Variants in INO80D observed in about 807,000 individuals in gnomAD.
The protein encoded by INO80D is INO80 complex subunit D.
INO80D carries 21 observed loss-of-function variants against 87.6 expected under a neutral mutation model. That is an observed-to-expected ratio of 0.24 (90% CI 0.17 to 0.35). The LOEUF (loss-of-function observed/expected upper bound fraction) is 0.35. Among genes scored for constraint, INO80D ranks in the 10% least tolerant of loss-of-function variants. INO80D has a pLI of 1.00. For missense variants in INO80D, 982 were observed against 1,280.7 expected, an observed-to-expected ratio of 0.77 and a Z score of 3.56; for synonymous variants, 440 against 491.0, an observed-to-expected ratio of 0.90 and a Z score of 1.37.
intron 1 of INO80D, among the ~76,000 whole-genome samples, chr2:206,081,855 C>T (rs903093293): frequency 2.6e-5 from 4 of 151,900 alleles, no homozygotes; most frequent in Non-Finnish European, 4.4e-5. Context: ...AAACACATGG[C>T]TATCTCATCT....
chr2:206,069,167 A>C (rs182069263), intron 1 of INO80D, among the ~76,000 whole-genome samples: 1 of 152,124 alleles, frequency 6.6e-6, no homozygotes, highest in East Asian at 1.9e-4. Flanking sequence ...GTGTAGCTCT[A>C]CTTATACATG....
chr2:206,015,579 A>G (rs1688296072), intron 8 of INO80D, among the ~76,000 whole-genome samples: 1 of 152,204 alleles, frequency 6.6e-6, no homozygotes, highest in African/African-American at 2.4e-5. Flanking sequence ...CGCCTAGAAT[A>G]CAGAAGATGT....
intron 1 of INO80D, among the ~76,000 whole-genome samples, chr2:206,080,448 C>T (rs1213556470): frequency 1.3e-5 from 2 of 152,274 alleles, no homozygotes; most frequent in Non-Finnish European, 2.9e-5. Context: ...AGAGACTATG[C>T]TAACATGAAG....
At chr2:206,035,509 A>ATG (rs1334563657) in intron 5 of INO80D, among the ~76,000 whole-genome samples, 1 of 152,188 alleles carries the variant, frequency 6.6e-6, no homozygotes, top group Non-Finnish European at 1.5e-5. Flanking sequence ...CTTTCAACAA[A>ATG]TGGTGCTGGG....
chr2:206,008,327 C>G (rs1203754672), intron 9 of INO80D, among the ~76,000 whole-genome samples: 3 of 126,846 alleles, frequency 2.4e-5, no homozygotes, highest in African/African-American at 9.0e-5. Context: ...GTCGCCCAGG[C>G]TAGAGTGCAG....
intron 1 of INO80D, among the ~76,000 whole-genome samples, chr2:206,082,812 A>G (rs1208423242): frequency 1.3e-5 from 2 of 152,170 alleles, no homozygotes; most frequent in African/African-American, 4.8e-5. Context: ...ATAGTTTAGC[A>G]TTTTTTTGAA....
intron 5 of INO80D, among the ~76,000 whole-genome samples, chr2:206,037,839 T>C (rs755584286): frequency 6.6e-6 from 1 of 152,140 alleles, no homozygotes; most frequent in Non-Finnish European, 1.5e-5. Flanking sequence ...TGTCCATCAG[T>C]GGACAAATGG....
chr2:206,051,215 A>ATTTCT (rs201344882), intron 4 of INO80D, among the ~76,000 whole-genome samples: 86 of 152,138 alleles, frequency 5.7e-4, no homozygotes, highest in Non-Finnish European at 8.5e-4. Flanking sequence ...TACAATGGAT[A>ATTTCT]TTTCTTTTCT....
At position 206,056,352 on chromosome 2, in the gene INO80D, A is replaced by G. The variant is rs1299631442; in HGVS notation, c.810T>C (p.Ser270=). Reference sequence around the variant, plus strand: ...TGGGTGGGTCCACAGTGGGAGCCCTACTGGATGGCAGGAGGGGCAGAGGCC... The same window carrying G: ...TGGGTGGGTCCACAGTGGGAGCCCTGCTGGATGGCAGGAGGGGCAGAGGCC... ...HKRPLPLLPS[S]RAPTVDPPRT... The change falls in exon 4 of 11, where the codon AGT becomes AGC. Residue 270 remains serine, a synonymous_variant. Transcript: ENST00000403263. The G allele has an allele frequency of 6.2e-7, 1 of 1,613,916 alleles. No homozygotes were observed. Among genetic ancestry groups the G allele is most frequent in the African/African-American group, 1.3e-5 (1 of 75,028 alleles).
At chr2:206,015,426 A>G (rs1375792034) in intron 8 of INO80D, among the ~76,000 whole-genome samples, 1 of 152,152 alleles carries the variant, frequency 6.6e-6, no homozygotes, top group Non-Finnish European at 1.5e-5. Context: ...CCTGCATTCC[A>G]ACCACTCCAG....
intron 8 of INO80D, among the ~76,000 whole-genome samples, chr2:206,015,075 T>G (rs545759176): frequency 1.3e-5 from 2 of 152,334 alleles, no homozygotes; most frequent in Non-Finnish European, 2.9e-5. Flanking sequence ...AAGAAATTTC[T>G]AAGCAGCAAA....
At chr2:206,018,462 T>A (rs535181404) in intron 7 of INO80D, among the ~76,000 whole-genome samples, 1 of 152,270 alleles carries the variant, frequency 6.6e-6, no homozygotes, top group Middle Eastern at 3.4e-3. Flanking sequence ...TTTCTTTTTT[T>A]AAACAGCTCT....
intron 1 of INO80D, among the ~76,000 whole-genome samples, chr2:206,077,350 A>C (rs979497463): frequency 1.3e-5 from 2 of 152,138 alleles, no homozygotes; most frequent in African/African-American, 2.4e-5. Flanking sequence ...AAAAAAAAAA[A>C]AACAAACTAC....
intron 1 of INO80D, among the ~76,000 whole-genome samples, chr2:206,080,635 C>T (rs1233057819): frequency 6.6e-5 from 10 of 151,996 alleles, no homozygotes; most frequent in Admixed American, 1.3e-4. Flanking sequence ...TGGCCGGGCG[C>T]GGTGGCTCAC....
chr2:206,082,617 C>T (rs1206677452), intron 1 of INO80D, among the ~76,000 whole-genome samples: 1 of 152,160 alleles, frequency 6.6e-6, no homozygotes, highest in African/African-American at 2.4e-5. Flanking sequence ...GCCTCCAACC[C>T]AGTCTCACCT....
intron 10 of INO80D, among the ~76,000 whole-genome samples, chr2:206,006,164 T>C (rs1559428727): frequency 6.6e-6 from 1 of 152,234 alleles, no homozygotes. Flanking sequence ...TGGACCTACT[T>C]TGATTTCATT....
At position 205,995,525 on chromosome 2, in the gene INO80D, T is replaced by A. The variant is rs921203076; in HGVS notation, c.*8843A>T. On this transcript the variant is annotated 3_prime_UTR_variant, in exon 11 of 11. Coordinates refer to ENST00000403263, the MANE Select transcript of INO80D (RefSeq NM_017759.5). ...GCCATTTAAAACTCATACATATACA[T>A]GTGTATATACAGTTATATCAACACT... The A allele has an allele frequency of 1.3e-5, 2 of 152,208 alleles. No individual in the cohort carries two copies. The highest frequency in any genetic ancestry group is 2.9e-5 in the Non-Finnish European group (2 of 68,018). 9.4% of individuals were successfully genotyped at this position (152,208 alleles called of 1,614,324 possible). A position where few individuals can be genotyped will look rare whatever the true frequency, so the allele number is the denominator to read the frequency against.
chr2:206,025,540 A>ATATATAT (rs1553616172), intron 6 of INO80D: 36 of 63,264 alleles, frequency 5.7e-4, no homozygotes, highest in South Asian at 1.0e-3. Flanking sequence ...AAAAAAAAAA[A>ATATATAT]AAATATATAT....
chr2:206,038,058 G>T (rs1301432892), intron 5 of INO80D, among the ~76,000 whole-genome samples: 1 of 152,174 alleles, frequency 6.6e-6, no homozygotes, highest in Non-Finnish European at 1.5e-5. Flanking sequence ...AGAATGGAGT[G>T]ATAGACGATG....
Sources: allele counts gnomAD v4.1 joint callset (sites outside exome capture counted in the v4.1 genomes callset), GRCh38; gene constraint gnomAD v4.1.1; transcripts MANE v1.5; gene names NCBI Gene and HGNC (gene_info 2026-07-23, HGNC 2026-07-21).